Variants in GALNTL6 observed in about 807,000 individuals in gnomAD.
GALNTL6 encodes polypeptide N-acetylgalactosaminyltransferase like 6, also known as polypeptide N-acetylgalactosaminyltransferase-like 6.
In GALNTL6, 46 loss-of-function variants were observed where a neutral mutation model predicts 73.7. The observed-to-expected ratio is 0.62, with a 90% confidence interval of 0.49 to 0.80. The LOEUF (loss-of-function observed/expected upper bound fraction) is 0.80, where lower values mean the gene tolerates loss of function less well. GALNTL6 is among the 30% of genes least tolerant of loss of function. GALNTL6 has a pLI of 0.00. For synonymous variants in GALNTL6, 259 were observed against 263.7 expected, an observed-to-expected ratio of 0.98 and a Z score of 0.17; for missense variants, 604 against 755.0, an observed-to-expected ratio of 0.80 and a Z score of 2.34.
intron 5 of GALNTL6, among the ~76,000 whole-genome samples, chr4:172,575,222 A>G (rs755628027): frequency 1.3e-5 from 2 of 152,242 alleles, no homozygotes; most frequent in Non-Finnish European, 2.9e-5. Context: ...TAAATTCAGC[A>G]TAATCTCTAC....
chr4:172,465,340 G>A (rs931799187), intron 5 of GALNTL6, among the ~76,000 whole-genome samples: 2 of 152,046 alleles, frequency 1.3e-5, no homozygotes, highest in Non-Finnish European at 1.5e-5. Context: ...AGCCGGGCAT[G>A]GTGGTGAGCG....
chr4:172,263,567 CCTT>C (rs893518987), intron 3 of GALNTL6, among the ~76,000 whole-genome samples: 6 of 151,004 alleles, frequency 4.0e-5, no homozygotes, highest in African/African-American at 7.3e-5. Flanking sequence ...TATGATATCT[CCTT>C]GAGTAGCTAC....
chr4:172,912,837 G>A (rs369110652), intron 8 of GALNTL6, among the ~76,000 whole-genome samples: 68 of 152,300 alleles, frequency 4.5e-4, no homozygotes, highest in Admixed American at 1.8e-3. Context: ...AGACTTAAAC[G>A]TCCCTGTCTG....
At chr4:172,599,744 G>A (rs1051975919) in intron 5 of GALNTL6, among the ~76,000 whole-genome samples, 1 of 152,060 alleles carries the variant, frequency 6.6e-6, no homozygotes, top group African/African-American at 2.4e-5. Context: ...ATGTAGGTTG[G>A]TGCAAAAGTC....
chr4:172,030,788 C>T (rs374320795), intron 2 of GALNTL6, among the ~76,000 whole-genome samples: 6 of 150,924 alleles, frequency 4.0e-5, no homozygotes, highest in Admixed American at 6.6e-5. Context: ...TGCATATTAC[C>T]GTATTTCACA....
intron 5 of GALNTL6, chr4:172,380,185 G>C: frequency 9.8e-7 from 1 of 1,020,182 alleles, no homozygotes; most frequent in Non-Finnish European, 1.6e-6. Context: ...GAACTGTGCG[G>C]ATCTGCAGGG....
intron 2 of GALNTL6, among the ~76,000 whole-genome samples, chr4:172,186,104 A>G (rs750913024): frequency 1.3e-4 from 20 of 152,186 alleles, no homozygotes; most frequent in Non-Finnish European, 2.8e-4. Context: ...AGGCAAGAGT[A>G]GAATTTATTG....
intron 2 of GALNTL6, among the ~76,000 whole-genome samples, chr4:172,195,802 A>G (rs979512701): frequency 6.6e-6 from 1 of 152,142 alleles, no homozygotes; most frequent in Non-Finnish European, 1.5e-5. Context: ...TTAAGAGGAA[A>G]ATTTATAGCA....
chr4:172,090,871 A>G (rs1351778161), intron 2 of GALNTL6, among the ~76,000 whole-genome samples: 1 of 152,134 alleles, frequency 6.6e-6, no homozygotes, highest in Admixed American at 6.5e-5. Flanking sequence ...TAACTTTTGT[A>G]TAAAGTGTAA....
intron 5 of GALNTL6, among the ~76,000 whole-genome samples, chr4:172,427,969 T>C (rs1409022200): frequency 6.6e-6 from 1 of 152,144 alleles, no homozygotes; most frequent in Non-Finnish European, 1.5e-5. Context: ...CTCATCAAGA[T>C]AATGGAGGGT....
chr4:172,276,609 G>A (rs1738840994), intron 3 of GALNTL6, among the ~76,000 whole-genome samples: 2 of 151,964 alleles, frequency 1.3e-5, no homozygotes, highest in Admixed American at 6.6e-5. Flanking sequence ...AAGAGGAAAC[G>A]AAAAGTTACC....
chr4:172,219,459 AAC>A (rs1391284622), intron 2 of GALNTL6, among the ~76,000 whole-genome samples: 1 of 151,622 alleles, frequency 6.6e-6, no homozygotes, highest in Non-Finnish European at 1.5e-5. Context: ...TGTTCTATAA[AAC>A]AGTGTTTTAA....
chr4:172,625,254 C>T (rs190756247), intron 5 of GALNTL6, among the ~76,000 whole-genome samples: 1 of 151,986 alleles, frequency 6.6e-6, no homozygotes, highest in East Asian at 1.9e-4. Flanking sequence ...TCTTTATGTC[C>T]GTACATACCC....
At chr4:172,095,553 G>A (rs1320043482) in intron 2 of GALNTL6, among the ~76,000 whole-genome samples, 2 of 152,148 alleles carry the variant, frequency 1.3e-5, no homozygotes, top group African/African-American at 4.8e-5. Flanking sequence ...GTTTTTGGCA[G>A]GTGAGTCTCC....
At chr4:172,054,997 C>T (rs1206322816) in intron 2 of GALNTL6, among the ~76,000 whole-genome samples, 1 of 152,084 alleles carries the variant, frequency 6.6e-6, no homozygotes, top group Non-Finnish European at 1.5e-5. Context: ...GACAGCCAAA[C>T]CTTAGTATTC....
intron 2 of GALNTL6, among the ~76,000 whole-genome samples, chr4:172,062,799 C>G (rs1261548563): frequency 6.6e-6 from 1 of 152,232 alleles, no homozygotes; most frequent in Admixed American, 6.5e-5. Flanking sequence ...TTCTAGACCT[C>G]TGAATCTCCT....
At chr4:172,806,985 C>T (rs185753121) in intron 5 of GALNTL6, among the ~76,000 whole-genome samples, 12 of 152,314 alleles carry the variant, frequency 7.9e-5, no homozygotes, top group East Asian at 7.7e-4. Context: ...CCTTTCAAGA[C>T]GCTGACACAT....
chr4:172,831,157 CAAAAAAAAAAAAAAAAAAAAAA>C (rs60870698), intron 7 of GALNTL6, among the ~76,000 whole-genome samples: 2 of 63,882 alleles, frequency 3.1e-5, no homozygotes, highest in Non-Finnish European at 5.6e-5. Flanking sequence ...GACTCCCTCT[CAAAAAAAAAAAAAAAAAAAAAA>C]AAAAAAAAAA....
At chr4:171,876,113 C>A (rs7683742) in intron 2 of GALNTL6, among the ~76,000 whole-genome samples, 2,825 of 152,138 alleles carry the variant, frequency 0.019, 82 homozygotes, top group African/African-American at 0.064. Context: ...TTTTGATTTT[C>A]TGTTCAATAA....
Sources: allele counts gnomAD v4.1 joint callset (sites outside exome capture counted in the v4.1 genomes callset), GRCh38; gene constraint gnomAD v4.1.1; transcripts MANE v1.5; gene names NCBI Gene and HGNC (gene_info 2026-07-23, HGNC 2026-07-21).